Variants in NUP210L observed in about 807,000 individuals in gnomAD.
NUP210L encodes the protein nucleoporin 210 like.
NUP210L carries 74 observed loss-of-function variants against 208.5 expected under a neutral mutation model. That is an observed-to-expected ratio of 0.35 (90% CI 0.29 to 0.43). NUP210L has a LOEUF of 0.43. Ranked by LOEUF, NUP210L falls within the 20% of genes least tolerant of loss-of-function variation. The probability of loss-of-function intolerance (pLI) is 1.00; values close to 1 mark genes in which losing one functional copy is unlikely to be tolerated. For missense variants in NUP210L, 1,843 were observed against 2,289.4 expected, an observed-to-expected ratio of 0.81 and a Z score of 3.98; for synonymous variants, 780 against 816.9, an observed-to-expected ratio of 0.95 and a Z score of 0.77.
intron 12 of NUP210L, among the ~76,000 whole-genome samples, chr1:154,115,116 A>C (rs547866841): frequency 1.6e-4 from 24 of 152,078 alleles, no homozygotes; most frequent in Admixed American, 3.3e-4. Flanking sequence ...ATCCATTCTA[A>C]TCTACTAGTC....
At chr1:154,074,993 T>C (rs1305564985) in intron 16 of NUP210L, among the ~76,000 whole-genome samples, 3 of 152,104 alleles carry the variant, frequency 2.0e-5, no homozygotes, top group East Asian at 1.9e-4. Context: ...ATTTGGAGAG[T>C]AGGGGTCCCT....
At chr1:154,024,065 C>T (rs1044132383) in intron 30 of NUP210L, among the ~76,000 whole-genome samples, 1 of 152,102 alleles carries the variant, frequency 6.6e-6, no homozygotes, top group Non-Finnish European at 1.5e-5. Context: ...CTGGGATTGG[C>T]GTGAGCCACT....
At chr1:154,101,493 A>G (rs963943134) in intron 13 of NUP210L, among the ~76,000 whole-genome samples, 2 of 152,158 alleles carry the variant, frequency 1.3e-5, no homozygotes, top group Non-Finnish European at 2.9e-5. Context: ...ACAAACAAAC[A>G]AAACCCATCT....
At chr1:153,993,372 C>T (rs1649595792) in intron 38 of NUP210L, among the ~76,000 whole-genome samples, 1 of 151,206 alleles carries the variant, frequency 6.6e-6, no homozygotes, top group Non-Finnish European at 1.5e-5. Flanking sequence ...TGAGACCATC[C>T]TGGCTAACAC....
intron 16 of NUP210L, among the ~76,000 whole-genome samples, chr1:154,082,934 G>T (rs770500326): frequency 1.4e-4 from 21 of 151,982 alleles, no homozygotes; most frequent in Admixed American, 2.6e-4. Flanking sequence ...GCTCTTAAAG[G>T]TGGCACATCA....
intron 10 of NUP210L, among the ~76,000 whole-genome samples, chr1:154,125,428 C>T (rs1229042814): frequency 6.6e-6 from 1 of 151,030 alleles, no homozygotes; most frequent in Non-Finnish European, 1.5e-5. Flanking sequence ...CCAGCCTGGG[C>T]AACAGAGTGA....
At chr1:154,091,854 A>G (rs1281567939) in intron 15 of NUP210L, among the ~76,000 whole-genome samples, 1 of 151,788 alleles carries the variant, frequency 6.6e-6, no homozygotes, top group Non-Finnish European at 1.5e-5. Context: ...TACATATTTT[A>G]TATATACATA....
intron 16 of NUP210L, among the ~76,000 whole-genome samples, chr1:154,075,525 C>T (rs1654988626): frequency 6.6e-6 from 1 of 151,972 alleles, no homozygotes; most frequent in Non-Finnish European, 1.5e-5. Context: ...TCAAAGAGTA[C>T]AGATGTTACA....
chr1:154,024,453 TA>T (rs1651741023), intron 30 of NUP210L, among the ~76,000 whole-genome samples: 3 of 152,268 alleles, frequency 2.0e-5, no homozygotes, highest in South Asian at 2.1e-4. Context: ...GTTTAATGTC[TA>T]AAATTTTTTT....
chr1:154,098,922 G>C (rs1321328394), intron 14 of NUP210L, among the ~76,000 whole-genome samples: 3 of 152,238 alleles, frequency 2.0e-5, no homozygotes, highest in Non-Finnish European at 4.4e-5. Context: ...GCTGCCCTCA[G>C]CTCCTCTTTG....
chr1:154,067,902 C>T (rs1654498467), intron 17 of NUP210L, among the ~76,000 whole-genome samples: 1 of 152,194 alleles, frequency 6.6e-6, no homozygotes, highest in South Asian at 2.1e-4. Flanking sequence ...TGTGAAGGAC[C>T]TCTTCAAGGA....
At chr1:154,037,342 G>C (rs991280539) in intron 27 of NUP210L, among the ~76,000 whole-genome samples, 1 of 152,040 alleles carries the variant, frequency 6.6e-6, no homozygotes, top group Admixed American at 6.6e-5. Context: ...AATATTATTT[G>C]CTTTATATAT....
exon 14 of NUP210L, chr1:154,100,108 T>C: frequency 6.2e-7 from 1 of 1,614,058 alleles, no homozygotes; most frequent in Non-Finnish European, 8.5e-7. Flanking sequence ...GCGATATGTG[T>C]ACTGGAACAA....
chr1:154,116,431 A>G (rs1014081405), intron 12 of NUP210L, among the ~76,000 whole-genome samples: 20 of 149,152 alleles, frequency 1.3e-4, no homozygotes, highest in Non-Finnish European at 2.4e-4. Context: ...CTCAGGGAAA[A>G]AAAAAAAAAA....
In NUP210L at chr1:154,154,991, GAAGA is replaced by G; in HGVS notation, c.50_53del (p.Phe17SerfsTer96). ...ACAACAGGAGGCGGTGTAGACGCAA[GAAGA>G]AAAAGAGCCCGAAGCCTCGGCGTCT... On this transcript the variant is annotated frameshift_variant, in exon 1 of 40. Coordinates refer to ENST00000368559, the Ensembl canonical transcript of NUP210L. LOFTEE classifies it high-confidence loss of function. The G allele has an allele frequency of 1.2e-6, 2 of 1,613,920 alleles. No individual in the cohort carries two copies. The highest frequency in any genetic ancestry group is 2.2e-5 in the South Asian group (2 of 91,078).
At chr1:154,093,699 T>TA (rs2148052215) in intron 15 of NUP210L, among the ~76,000 whole-genome samples, 1 of 152,368 alleles carries the variant, frequency 6.6e-6, no homozygotes, top group Admixed American at 6.5e-5. Flanking sequence ...GTTAAAATCT[T>TA]ACATTGATTC....
At chr1:154,150,146 G>A (rs528358354) in intron 2 of NUP210L, among the ~76,000 whole-genome samples, 67 of 152,134 alleles carry the variant, frequency 4.4e-4, no homozygotes, top group Non-Finnish European at 7.2e-4. Flanking sequence ...AGGCTGAGGC[G>A]GGCAGATCAC....
At chr1:154,137,986 C>T in intron 6 of NUP210L, 120 bp downstream of exon 6, 1 of 685,818 alleles carries the variant, frequency 1.5e-6, no homozygotes, top group Non-Finnish European at 2.3e-6. Context: ...CAGCAATTAA[C>T]ACTTTACCAC....
exon 32 of NUP210L, chr1:154,022,191 G>T: frequency 6.2e-7 from 1 of 1,614,116 alleles, no homozygotes; most frequent in Non-Finnish European, 8.5e-7. Flanking sequence ...CTTGGTGTCT[G>T]GCTCAATGGC....
Sources: gnomAD v4.1 joint callset for allele counts (sites outside exome capture counted in the v4.1 genomes callset) on GRCh38, gnomAD v4.1.1 for gene constraint, MANE v1.5 for transcripts, NCBI Gene and HGNC (gene_info 2026-07-23, HGNC 2026-07-21) for gene names.